The following TIA1 variants were observed in gnomAD, a reference collection of about 807,000 sequenced individuals.
TIA1 encodes the protein TIA1 cytotoxic granule associated RNA binding protein.
Under a neutral mutation model 65.9 loss-of-function variants are expected in TIA1, and 23 were observed. That is an observed-to-expected ratio of 0.35 (90% CI 0.25 to 0.49). The LOEUF is 0.49. Ranked by LOEUF, TIA1 falls within the 20% of genes least tolerant of loss-of-function variation. The pLI is 0.98. For missense variants in TIA1, 371 were observed against 477.9 expected (o/e 0.78, Z 2.09); for synonymous variants, 147 against 149.4 (o/e 0.98, Z 0.12).
chr2:70,232,598 G>A (rs1274958776), intron 2 of TIA1, among the ~76,000 whole-genome samples: 2 of 144,812 alleles, frequency 1.4e-5, no homozygotes, highest in Non-Finnish European at 3.0e-5. Flanking sequence ...GCCGGGCACA[G>A]TAGCTCATGC....
intron 11 of TIA1, among the ~76,000 whole-genome samples, 156 bp from the exon 12 acceptor site, chr2:70,214,650 A>AAC (rs1558751922): frequency 1.5e-5 from 1 of 68,524 alleles, no homozygotes; most frequent in African/African-American, 8.3e-5. Context: ...AAAAAAAAAA[A>AAC]AAAAAAAACA....
intron 3 of TIA1, 28 bp downstream of exon 3, chr2:70,230,728 G>A (rs1685897274): frequency 6.6e-7 from 1 of 1,512,528 alleles, no homozygotes. Context: ...TTCAGTGCAA[G>A]TCACCTTCTT....
At chr2:70,235,795 C>T (rs1688639353) in intron 2 of TIA1, among the ~76,000 whole-genome samples, 1 of 152,040 alleles carries the variant, frequency 6.6e-6, no homozygotes, top group Admixed American at 6.6e-5. Flanking sequence ...CTGAAAGAGC[C>T]CATATATATG....
intron 6 of TIA1, among the ~76,000 whole-genome samples, chr2:70,227,295 A>C (rs968742114): frequency 6.6e-6 from 1 of 152,172 alleles, no homozygotes; most frequent in African/African-American, 2.4e-5. Flanking sequence ...AAATATCTAG[A>C]AAATAATATT....
chr2:70,234,977 T>A (rs951595991), intron 2 of TIA1, among the ~76,000 whole-genome samples: 2 of 152,012 alleles, frequency 1.3e-5, no homozygotes, highest in East Asian at 3.8e-4. Flanking sequence ...AAAAGAAAAC[T>A]GAAAGTTTAT....
Position 70,243,748 on chromosome 2 carries a change from T to C in TIA1, c.26+4657A>G, listed in dbSNP as rs72902494. Among the ~76,000 whole-genome samples, 218 of 152,366 alleles carry C rather than the reference T, an allele frequency of 1.4e-3. 2 individuals carry two copies. Among genetic ancestry groups the C allele is most frequent in the African/African-American group, 5.0e-3 (208 of 41,588 alleles). The stretch of plus-strand genomic sequence containing the variant: ...TTACACATTTTAAAATAAATCCATT[T>C]ATTGTTGACATCATTCTCACATGCC... On this transcript the variant is annotated intron_variant, in intron 1 of 12. Coordinates refer to ENST00000433529, the MANE Select transcript of TIA1 (RefSeq NM_022173.4).
intron 7 of TIA1, among the ~76,000 whole-genome samples, chr2:70,223,656 C>T (rs1187087793): frequency 6.6e-6 from 1 of 151,606 alleles, no homozygotes; most frequent in Non-Finnish European, 1.5e-5. Flanking sequence ...TCAAGTGATC[C>T]GCCCACCTTG....
chr2:70,229,210 A>G (rs538593112), intron 4 of TIA1, 54 bp downstream of exon 4: 6 of 1,606,660 alleles, frequency 3.7e-6, no homozygotes, highest in South Asian at 1.1e-5. Flanking sequence ...GCTTTACAAT[A>G]AAACTACTGG....
At chr2:70,224,831 ATATATG>A (rs1683110287) in intron 6 of TIA1, 1 of 1,346,070 alleles carries the variant, frequency 7.4e-7, no homozygotes, top group Admixed American at 3.1e-5. Context: ...TAACTTAAGT[ATATATG>A]TATATTTATA....
intron 1 of TIA1, 33 bp from the exon 2 acceptor site, chr2:70,236,208 T>A: frequency 6.9e-7 from 1 of 1,442,042 alleles, no homozygotes; most frequent in Non-Finnish European, 9.7e-7. Context: ...TTACCTTTTT[T>A]TTTTTTTGAG....
rs1410126197 is a variant in TIA1 at position 70,214,641 on chromosome 2, A to C, written c.889-147T>G. 12 of 577,296 alleles carry C rather than the reference A, an allele frequency of 2.1e-5. 1 individual carries two copies. Among genetic ancestry groups the C allele is most frequent in the South Asian group, 3.5e-5 (1 of 28,770 alleles). The allele number at this position is 577,296 out of a possible 1,614,324, so 35.8% of individuals were successfully genotyped here. On this transcript the variant is annotated intron_variant, in intron 11 of 12. Transcript: ENST00000433529. ...AACAAGAGTTGACTGCTAAAAAAAA[A>C]AAAAAAAAAAAAAAAAACAAAAAAC...
At chr2:70,242,108 CATTAAGGGATG>C (rs1263287353) in intron 1 of TIA1, among the ~76,000 whole-genome samples, 1 of 152,008 alleles carries the variant, frequency 6.6e-6, no homozygotes, top group Non-Finnish European at 1.5e-5. Flanking sequence ...AAGATGGTAA[CATTAAGGGATG>C]CTAGATGAAG....
chr2:70,232,219 A>G (rs576155964), intron 2 of TIA1, among the ~76,000 whole-genome samples: 1 of 146,606 alleles, frequency 6.8e-6, no homozygotes, highest in African/African-American at 2.6e-5. Flanking sequence ...AAAAAAAAAA[A>G]AAAAAAGAAA....
chr2:70,215,120 A>G, intron 11 of TIA1: 1 of 439,364 alleles, frequency 2.3e-6, no homozygotes, highest in Non-Finnish European at 4.0e-6. Context: ...AAAAAGATGT[A>G]ATACCCTTTT....
chr2:70,215,389 C>A lies in TIA1; in HGVS notation c.870G>T (p.Met290Ile). 1 of 1,614,020 alleles carries A rather than the reference C, an allele frequency of 6.2e-7. No homozygotes were observed. The highest frequency in any genetic ancestry group is 8.5e-7 in the Non-Finnish European group (1 of 1,179,996). Residue 290 changes from methionine to isoleucine, a missense_variant, in exon 11 of 13, where the codon ATG becomes ATT. By Grantham distance (10) the Met-to-Ile change is conservative (BLOSUM62 1). Coordinates refer to ENST00000433529, the MANE Select transcript of TIA1 (RefSeq NM_022173.4). Reference protein sequence around the residue: ...KCYWGKETLDMINPVQQQNQI... With the variant: ...KCYWGKETLDIINPVQQQNQI... ...CTCTCACCTGTTGCACGGGATTTAT[C>A]ATATCAAGAGTTTCTTTGCCCCAAT...
At position 70,216,488 on chromosome 2, in the gene TIA1, G is replaced by A. The variant is rs1181262355; in HGVS notation, c.595C>T (p.Gln199Ter). 1 of 1,613,328 alleles carries A rather than the reference G, an allele frequency of 6.2e-7. No homozygotes were observed. The highest frequency in any genetic ancestry group is 1.1e-5 in the South Asian group (1 of 90,930). ...PKSTYESNTK[Q>*]LSYDEVVNQS... is the part of the protein sequence containing the mutation. ...TTTACAACCTCATCATATGATAGCT[G>A]TTTGGTATTTGCTGGTGAGAGAAAA... The change falls in exon 9 of 13, where the codon CAG becomes TAG. Residue 199 changes from glutamine to a stop codon, truncating the protein, a stop_gained. Coordinates refer to ENST00000433529, the MANE Select transcript of TIA1 (RefSeq NM_022173.4). LOFTEE classifies it high-confidence loss of function.
chr2:70,246,652 G>A (rs1479631459), intron 1 of TIA1, among the ~76,000 whole-genome samples: 4 of 152,190 alleles, frequency 2.6e-5, no homozygotes, highest in Non-Finnish European at 4.4e-5. Flanking sequence ...CTGGGAGGCC[G>A]AGGTGTGCGG....
chr2:70,211,047 G>A lies in TIA1; in HGVS notation c.*1672C>T, dbSNP rs1676356236. 1 of 152,160 alleles carries A rather than the reference G, an allele frequency of 6.6e-6. No individual in the cohort carries two copies. Among genetic ancestry groups the A allele is most frequent in the Admixed American group, 6.6e-5 (1 of 15,264 alleles). 9.4% of individuals were successfully genotyped at this position (152,160 alleles called of 1,614,324 possible). A position where few individuals can be genotyped will look rare whatever the true frequency, so the allele number is the denominator to read the frequency against. On this transcript the variant is annotated 3_prime_UTR_variant, in exon 13 of 13. Coordinates refer to ENST00000433529, the MANE Select transcript of TIA1 (RefSeq NM_022173.4). ...CCCCTACCCGGGAAATGCAGGCCAGGAAACTTAAGATTTTGCGGGCCTTTT... is the reference window on the plus strand; with the variant it reads ...CCCCTACCCGGGAAATGCAGGCCAGAAAACTTAAGATTTTGCGGGCCTTTT...
chr2:70,211,053 T>C lies in TIA1; in HGVS notation c.*1666A>G, dbSNP rs1275660586. 1 of 152,158 alleles carries C rather than the reference T, an allele frequency of 6.6e-6. No homozygotes were observed. The highest frequency in any genetic ancestry group is 1.5e-5 in the Non-Finnish European group (1 of 68,042). 9.4% of individuals were successfully genotyped at this position (152,158 alleles called of 1,614,324 possible). ...CCCGGGAAATGCAGGCCAGGAAACT[T>C]AAGATTTTGCGGGCCTTTTCTGTTT... On this transcript the variant is annotated 3_prime_UTR_variant, in exon 13 of 13. Coordinates refer to ENST00000433529, the MANE Select transcript of TIA1 (RefSeq NM_022173.4).
Sources: allele counts gnomAD v4.1 joint callset (sites outside exome capture counted in the v4.1 genomes callset), GRCh38; gene constraint gnomAD v4.1.1; transcripts MANE v1.5; gene names NCBI Gene and HGNC (gene_info 2026-07-23, HGNC 2026-07-21).